TCF20: variants seen among roughly 807,000 people sequenced by gnomAD.
TCF20 encodes the protein SPRE-binding protein.
Under a neutral mutation model 148.6 loss-of-function variants are expected in TCF20, and 3 were observed. The ratio of observed to expected loss-of-function variants is 0.02; its 90% CI spans 0.01 to 0.05. The LOEUF is 0.05. TCF20 is among the 10% of genes least tolerant of loss of function. The pLI, the probability that TCF20 is intolerant of heterozygous loss-of-function variation, is 1.00. For missense variants in TCF20, 2,350 were observed against 2,429.3 expected (o/e 0.97, Z 0.69); for synonymous variants, 1,049 against 909.5 (o/e 1.15, Z -2.76).
chr22:42,219,255 G>A (rs1922105367), intron 1 of TCF20, among the ~76,000 whole-genome samples: 1 of 148,910 alleles, frequency 6.7e-6, no homozygotes. Flanking sequence ...AGCTGCTCAA[G>A]AGGCTGAGGT....
intron 1 of TCF20, among the ~76,000 whole-genome samples, chr22:42,315,905 G>A (rs1927620731): frequency 6.6e-6 from 1 of 152,062 alleles, no homozygotes. Flanking sequence ...CTTGAGGTCA[G>A]GAGTTTGAGA....
chr22:42,283,143 G>A (rs1361881754), intron 1 of TCF20, among the ~76,000 whole-genome samples: 1 of 152,194 alleles, frequency 6.6e-6, no homozygotes, highest in Non-Finnish European at 1.5e-5. Context: ...CAAAGCCCTC[G>A]ATCTGCCTCT....
intron 2 of TCF20, among the ~76,000 whole-genome samples, chr22:42,205,555 A>G (rs1030852285): frequency 1.3e-5 from 2 of 152,252 alleles, no homozygotes; most frequent in Non-Finnish European, 2.9e-5. Context: ...AACTGAATGC[A>G]TCTATCTGCT....
intron 1 of TCF20, among the ~76,000 whole-genome samples, chr22:42,326,235 G>A (rs557660332): frequency 2.6e-5 from 4 of 152,248 alleles, no homozygotes; most frequent in South Asian, 4.1e-4. Flanking sequence ...CCAAGTGCCC[G>A]TGAGATCACC....
At chr22:42,271,184 G>A (rs767953772), upstream of TCF20, among the ~76,000 whole-genome samples, 1 of 152,220 alleles carries the variant, frequency 6.6e-6, no homozygotes, top group Non-Finnish European at 1.5e-5. Context: ...GGTCCCGCCT[G>A]GGTCCCTGGC....
At chr22:42,233,455 G>A (rs1198502707) in intron 1 of TCF20, among the ~76,000 whole-genome samples, 1 of 152,126 alleles carries the variant, frequency 6.6e-6, no homozygotes, top group Admixed American at 6.5e-5. Context: ...GCACCTTTTC[G>A]TTTGTTCAGC....
chr22:42,276,134 G>A (rs553385515), intron 1 of TCF20, among the ~76,000 whole-genome samples: 1 of 152,328 alleles, frequency 6.6e-6, no homozygotes, highest in East Asian at 1.9e-4. Context: ...ACATGCTGAG[G>A]CATGCTGGGA....
upstream of TCF20, among the ~76,000 whole-genome samples, chr22:42,272,487 A>G (rs1024880001): frequency 2.0e-5 from 3 of 152,176 alleles, no homozygotes; most frequent in African/African-American, 7.2e-5. Flanking sequence ...TGCGTCTCAG[A>G]TGCAGGGCCC....
At chr22:42,242,809 C>T (rs548543022) in intron 1 of TCF20, among the ~76,000 whole-genome samples, 1 of 152,176 alleles carries the variant, frequency 6.6e-6, no homozygotes, top group East Asian at 1.9e-4. Flanking sequence ...ATCACTTGAA[C>T]CCAGGAGGCA....
At chr22:42,324,099 T>G (rs1162032774) in intron 1 of TCF20, among the ~76,000 whole-genome samples, 22 of 10,278 alleles carry the variant, frequency 2.1e-3, no homozygotes, top group Admixed American at 5.0e-3. Flanking sequence ...TGATGGAGGT[T>G]ATGGTGGTGG....
chr22:42,189,441 G>A (rs757819718), intron 2 of TCF20, among the ~76,000 whole-genome samples: 2 of 152,192 alleles, frequency 1.3e-5, no homozygotes, highest in African/African-American at 4.8e-5. Flanking sequence ...TGGACTGAGA[G>A]CAAAATCTCA....
At chr22:42,312,342 G>A (rs1927551222) in intron 1 of TCF20, among the ~76,000 whole-genome samples, 1 of 152,182 alleles carries the variant, frequency 6.6e-6, no homozygotes, top group African/African-American at 2.4e-5. Flanking sequence ...ACCAGCAGCT[G>A]CTGAGAATGA....
At chr22:42,280,607 C>T (rs892948224) in intron 1 of TCF20, among the ~76,000 whole-genome samples, 1 of 152,240 alleles carries the variant, frequency 6.6e-6, no homozygotes, top group African/African-American at 2.4e-5. Flanking sequence ...AACTAGAACA[C>T]AGCCTGCAAA....
At chr22:42,226,731 C>A (rs1051682940) in intron 1 of TCF20, among the ~76,000 whole-genome samples, 1 of 151,948 alleles carries the variant, frequency 6.6e-6, no homozygotes, top group Admixed American at 6.6e-5. Flanking sequence ...AATAATAAAA[C>A]AAACAAATAC....
At chr22:42,200,775 C>G (rs1937954689) in intron 2 of TCF20, among the ~76,000 whole-genome samples, 1 of 152,192 alleles carries the variant, frequency 6.6e-6, no homozygotes. Context: ...ATCCCACAGC[C>G]TCTCGAATGA....
At chr22:42,241,122 C>T (rs2147310275) in intron 1 of TCF20, among the ~76,000 whole-genome samples, 1 of 152,286 alleles carries the variant, frequency 6.6e-6, no homozygotes, top group East Asian at 1.9e-4. Flanking sequence ...TCCCAAAGTG[C>T]TCTGGGATTA....
intron 1 of TCF20, among the ~76,000 whole-genome samples, chr22:42,321,583 C>T (rs1373665168): frequency 2.0e-5 from 3 of 151,838 alleles, no homozygotes; most frequent in Non-Finnish European, 4.4e-5. Context: ...CCCAACTCCA[C>T]GCTCAGGAGC....
At chr22:42,319,640 C>T (rs1168091982) in intron 1 of TCF20, among the ~76,000 whole-genome samples, 1 of 152,202 alleles carries the variant, frequency 6.6e-6, no homozygotes, top group African/African-American at 2.4e-5. Flanking sequence ...ACTTTGCAAC[C>T]ATGATTCCTA....
intron 3 of TCF20, among the ~76,000 whole-genome samples, chr22:42,174,687 T>A (rs1936329003): frequency 6.6e-6 from 1 of 152,116 alleles, no homozygotes; most frequent in South Asian, 2.1e-4. Flanking sequence ...GAGTCCAGCC[T>A]GGGCAACACA....
Sources: allele counts gnomAD v4.1 joint callset (sites outside exome capture counted in the v4.1 genomes callset), GRCh38; gene constraint gnomAD v4.1.1; transcripts MANE v1.5; gene names NCBI Gene and HGNC (gene_info 2026-07-23, HGNC 2026-07-21).